Variants in BCKDHB observed in about 807,000 individuals in gnomAD.
The protein encoded by BCKDHB is 2-oxoisovalerate dehydrogenase subunit beta, mitochondrial.
BCKDHB carries 41 observed loss-of-function variants against 48.5 expected under a neutral mutation model. The observed-to-expected ratio is 0.85, with a 90% CI of 0.66 to 1.10. BCKDHB has a LOEUF of 1.10. BCKDHB is among the 50% of genes least tolerant of loss of function. The pLI is 0.00. For synonymous variants in BCKDHB, 201 were observed against 174.8 expected (o/e 1.15, Z -1.18); for missense variants, 496 against 494.2 (o/e 1.00, Z -0.03).
the BCKDHB span, among the ~76,000 whole-genome samples, chr6:80,407,645 GCTGT>G: frequency 6.6e-6 from 1 of 152,038 alleles, no homozygotes; most frequent in African/African-American, 2.4e-5. Flanking sequence ...TCATGCTTTG[GCTGT>G]CTGTTTGTCT....
At chr6:80,136,268 T>C (rs1013031898) in intron 3 of BCKDHB, among the ~76,000 whole-genome samples, 1 of 152,106 alleles carries the variant, frequency 6.6e-6, no homozygotes, top group African/African-American at 2.4e-5. Context: ...AAGACAAACA[T>C]TGATGAATGG....
chr6:80,365,157 T>C, the BCKDHB span, among the ~76,000 whole-genome samples: 2 of 152,242 alleles, frequency 1.3e-5, no homozygotes, highest in African/African-American at 2.4e-5. Context: ...GAACTACTGA[T>C]AAGGGTCCAA....
At chr6:80,217,855 C>T (rs764510543) in intron 8 of BCKDHB, among the ~76,000 whole-genome samples, 3 of 152,026 alleles carry the variant, frequency 2.0e-5, no homozygotes, top group African/African-American at 4.8e-5. Context: ...GTAACTAGAG[C>T]GAAGAAGGGT....
chr6:80,464,527 C>T, the BCKDHB span, among the ~76,000 whole-genome samples: 2 of 152,110 alleles, frequency 1.3e-5, no homozygotes, highest in East Asian at 1.9e-4. Flanking sequence ...TGAATAATTG[C>T]TCAATTGCCT....
At chr6:80,194,333 T>C (rs1036434593) in intron 6 of BCKDHB, among the ~76,000 whole-genome samples, 8 of 152,192 alleles carry the variant, frequency 5.3e-5, no homozygotes, top group Non-Finnish European at 1.0e-4. Flanking sequence ...CATTCCCCCA[T>C]GTTAACCTCA....
At chr6:80,168,672 G>A (rs1232387595) in intron 4 of BCKDHB, among the ~76,000 whole-genome samples, 1 of 146,520 alleles carries the variant, frequency 6.8e-6, no homozygotes, top group Non-Finnish European at 1.5e-5. Flanking sequence ...AGGAAGGGAG[G>A]GAAAGACTTA....
intron 8 of BCKDHB, among the ~76,000 whole-genome samples, chr6:80,261,868 G>A (rs1158187277): frequency 6.6e-6 from 1 of 151,966 alleles, no homozygotes; most frequent in African/African-American, 2.4e-5. Context: ...GGCTCTATTA[G>A]CTTTAGTCTA....
chr6:80,173,086 A>G (rs1772992572), intron 6 of BCKDHB, among the ~76,000 whole-genome samples: 1 of 152,160 alleles, frequency 6.6e-6, no homozygotes, highest in African/African-American at 2.4e-5. Flanking sequence ...ATAAATGGCA[A>G]CTGAGTAAGA....
At chr6:80,400,069 T>C in the BCKDHB span, among the ~76,000 whole-genome samples, 1 of 151,636 alleles carries the variant, frequency 6.6e-6, no homozygotes, top group Non-Finnish European at 1.5e-5. Context: ...ATACCATAAA[T>C]AAAAATAAAC....
chr6:80,201,501 TACA>T (rs1487089516), intron 7 of BCKDHB, among the ~76,000 whole-genome samples: 3 of 152,142 alleles, frequency 2.0e-5, no homozygotes, highest in Non-Finnish European at 4.4e-5. Flanking sequence ...ATAAATATAT[TACA>T]ACAATGTATT....
At chr6:80,396,202 T>G in the BCKDHB span, among the ~76,000 whole-genome samples, 1 of 152,268 alleles carries the variant, frequency 6.6e-6, no homozygotes, top group Admixed American at 6.5e-5. Context: ...ACTGACAGCT[T>G]GCACTTTGTG....
chr6:80,144,105 C>T (rs1214341680), intron 3 of BCKDHB, among the ~76,000 whole-genome samples: 1 of 152,094 alleles, frequency 6.6e-6, no homozygotes, highest in Non-Finnish European at 1.5e-5. Flanking sequence ...TTCCTCAAAA[C>T]TCAAAAGGAA....
chr6:80,259,394 G>T (rs545170904), intron 8 of BCKDHB, among the ~76,000 whole-genome samples: 5 of 152,152 alleles, frequency 3.3e-5, no homozygotes, highest in African/African-American at 9.7e-5. Context: ...TAGTAGGACC[G>T]GGGAGCAATA....
chr6:80,331,430 T>C (rs1208272194), intron 9 of BCKDHB, among the ~76,000 whole-genome samples: 1 of 152,194 alleles, frequency 6.6e-6, no homozygotes, highest in Non-Finnish European at 1.5e-5. Flanking sequence ...CAAAATGACC[T>C]TTATACTTTT....
intron 8 of BCKDHB, among the ~76,000 whole-genome samples, chr6:80,243,386 A>G (rs1386689627): frequency 6.6e-6 from 1 of 152,220 alleles, no homozygotes. Context: ...TGATGAGGTA[A>G]TAGAAAGCTG....
the BCKDHB span, among the ~76,000 whole-genome samples, chr6:80,379,359 T>C: frequency 2.0e-5 from 3 of 152,098 alleles, no homozygotes; most frequent in East Asian, 5.8e-4. Context: ...TCAGTAGATG[T>C]AAAATAAGTA....
intron 3 of BCKDHB, among the ~76,000 whole-genome samples, chr6:80,131,427 A>G (rs1007355412): frequency 4.6e-5 from 7 of 152,086 alleles, no homozygotes; most frequent in Admixed American, 6.6e-5. Context: ...AGTTCCCCAC[A>G]TCCAGTGAAG....
chr6:80,372,109 G>GT, the BCKDHB span, among the ~76,000 whole-genome samples: 1 of 151,880 alleles, frequency 6.6e-6, no homozygotes, highest in African/African-American at 2.4e-5. Flanking sequence ...CTACCCACCC[G>GT]TAAGTATGGG....
intron 1 of BCKDHB, among the ~76,000 whole-genome samples, chr6:80,123,147 T>C (rs1770133883): frequency 6.6e-6 from 1 of 152,160 alleles, no homozygotes; most frequent in African/African-American, 2.4e-5. Context: ...CTTATGGTTG[T>C]CTTCCCTTGT....
Sources: gnomAD v4.1 joint callset for allele counts (sites outside exome capture counted in the v4.1 genomes callset) on GRCh38, gnomAD v4.1.1 for gene constraint, MANE v1.5 for transcripts, NCBI Gene and HGNC (gene_info 2026-07-23, HGNC 2026-07-21) for gene names.